Variants in CLASP1 observed in about 807,000 individuals in gnomAD.
CLASP1 encodes the protein cytoplasmic linker associated protein 1, also known as CLIP-associating protein 1.
CLASP1 carries 38 observed loss-of-function variants against 192.3 expected under a neutral mutation model. That is an observed-to-expected ratio of 0.20 (90% confidence interval 0.15 to 0.26). The LOEUF is 0.26. Ranked by LOEUF, CLASP1 falls within the 10% of genes least tolerant of loss-of-function variation. CLASP1 has a pLI of 1.00. For synonymous variants in CLASP1, 691 were observed against 712.8 expected (o/e 0.97, Z 0.49); for missense variants, 1,433 against 1,932.5 (o/e 0.74, Z 4.85).
In CLASP1 at chr2:121,365,083, CA is replaced by C. The variant is rs754517487; in HGVS notation, c.4077+10del. Reference sequence around the variant, plus strand: ...GGAAAGGGGCAAGATAAGGCCAAACCAGCATCTCACGTCTTTGTCTCCAAGG... The same window carrying C: ...GGAAAGGGGCAAGATAAGGCCAAACCGCATCTCACGTCTTTGTCTCCAAGG... On this transcript the variant is annotated intron_variant, in intron 36 of 39. Transcript: ENST00000263710. 48 of 1,613,838 alleles carry C rather than the reference CA, an allele frequency of 3.0e-5. 1 individual carries two copies. In the South Asian group the frequency reaches 5.1e-4, roughly 17 times the overall value.
At chr2:121,566,963 G>T (rs1279265775) in intron 2 of CLASP1, among the ~76,000 whole-genome samples, 2 of 152,162 alleles carry the variant, frequency 1.3e-5, no homozygotes, top group Non-Finnish European at 2.9e-5. Context: ...CGCCCTCTGA[G>T]GCTGGGCACC....
At position 121,582,440 on chromosome 2, in the gene CLASP1, G is replaced by A. The variant is rs556262496; in HGVS notation, c.195+23261C>T. ...AGGAAAAGAGAGAAAAAGAAGGGGG[G>A]AAGGAGGAAGAGAGAGAAAGAAAGA... On this transcript the variant is annotated intron_variant, in intron 2 of 39. Transcript: ENST00000263710. Among the ~76,000 whole-genome samples the A allele has an allele frequency of 1.0e-4, 15 of 150,626 alleles. No individual in the cohort carries two copies. In the East Asian group the frequency reaches 2.9e-3, roughly 30 times the overall value.
intron 2 of CLASP1, among the ~76,000 whole-genome samples, chr2:121,536,803 A>G (rs76548700): frequency 0.014 from 2,119 of 152,322 alleles, 52 homozygotes; most frequent in African/African-American, 0.048. Context: ...AATGAGAGTT[A>G]TTATTTAATG....
At chr2:121,530,906 A>T (rs915710819) in intron 2 of CLASP1, 2 of 697,638 alleles carry the variant, frequency 2.9e-6, no homozygotes, top group Non-Finnish European at 5.2e-6. Context: ...GGGTTGCGCT[A>T]CTGTCCAATG....
intron 7 of CLASP1, among the ~76,000 whole-genome samples, chr2:121,515,360 T>C (rs1392237913): frequency 6.6e-6 from 1 of 152,216 alleles, no homozygotes; most frequent in South Asian, 2.1e-4. Context: ...AGATACAGAA[T>C]CATAGATACA....
chr2:121,553,147 A>G (rs531324380), intron 2 of CLASP1, among the ~76,000 whole-genome samples: 1 of 152,312 alleles, frequency 6.6e-6, no homozygotes, highest in African/African-American at 2.4e-5. Flanking sequence ...TGATGAGAAC[A>G]CATGAACACA....
In CLASP1 at chr2:121,569,483, T is replaced by C. The variant is rs374381406; in HGVS notation, c.195+36218A>G. ...TAACCCTTTAAAGTAAATGTTTTAA[T>C]TTTATTTTAAGTGTAATGGGAAGAC... On this transcript the variant is annotated intron_variant, in intron 2 of 39. Transcript: ENST00000263710. Among the ~76,000 whole-genome samples, 3 of 152,232 alleles carry C rather than the reference T, an allele frequency of 2.0e-5. No individual in the cohort carries two copies. The South Asian group carries it at 6.2e-4, about 31-fold the overall frequency.
At chr2:121,437,871 G>A (rs1263536151) in intron 19 of CLASP1, among the ~76,000 whole-genome samples, 5 of 152,156 alleles carry the variant, frequency 3.3e-5, no homozygotes, top group Non-Finnish European at 7.3e-5. Context: ...CCATGCTTAG[G>A]TTTGAAGCTG....
At chr2:121,548,775 A>T (rs371923787) in intron 2 of CLASP1, among the ~76,000 whole-genome samples, 1 of 152,196 alleles carries the variant, frequency 6.6e-6, no homozygotes, top group Non-Finnish European at 1.5e-5. Flanking sequence ...CTTAAATAAA[A>T]AAAAAAAAAA....
chr2:121,342,586 T>C (rs1378402250), intron 39 of CLASP1, among the ~76,000 whole-genome samples: 1 of 151,890 alleles, frequency 6.6e-6, no homozygotes, highest in South Asian at 2.1e-4. Context: ...AAGAACTACA[T>C]CTAAAGCTAG....
intron 34 of CLASP1, among the ~76,000 whole-genome samples, chr2:121,368,679 C>G (rs1341544173): frequency 1.3e-5 from 2 of 152,168 alleles, no homozygotes; most frequent in East Asian, 3.9e-4. Context: ...TCCCAAACAT[C>G]TGACTACCCA....
intron 21 of CLASP1, 46 bp downstream of exon 21, chr2:121,427,358 C>A (rs746511195): frequency 5.6e-6 from 9 of 1,600,352 alleles, no homozygotes; most frequent in Non-Finnish European, 7.7e-6. Context: ...GGGGAGAATG[C>A]CAACAACAAC....
At chr2:121,367,870 G>C in intron 34 of CLASP1, 39 bp from the exon 36 acceptor site, 1 of 1,600,256 alleles carries the variant, frequency 6.2e-7, no homozygotes, top group Non-Finnish European at 8.5e-7. Context: ...TCTGGGACTT[G>C]TAATGGACAT....
intron 8 of CLASP1, among the ~76,000 whole-genome samples, chr2:121,494,647 A>G (rs2093452676): frequency 6.6e-6 from 1 of 152,176 alleles, no homozygotes; most frequent in Admixed American, 6.5e-5. Flanking sequence ...GTTGATGGAT[A>G]CCCTACTTAC....
intron 1 of CLASP1, 60 bp from the exon 2 acceptor site, chr2:121,606,240 T>A (rs1267641672): frequency 2.6e-6 from 1 of 390,066 alleles, no homozygotes; most frequent in African/African-American, 2.1e-5. Flanking sequence ...CCAAATGTTA[T>A]GAAACATTAA....
At chr2:121,484,971 G>A (rs1482337310) in intron 8 of CLASP1, among the ~76,000 whole-genome samples, 3 of 152,156 alleles carry the variant, frequency 2.0e-5, no homozygotes, top group African/African-American at 7.2e-5. Flanking sequence ...CAGTACAAAG[G>A]GGTATGACAT....
intron 2 of CLASP1, among the ~76,000 whole-genome samples, chr2:121,547,987 C>A (rs1380526573): frequency 1.3e-5 from 2 of 152,140 alleles, no homozygotes; most frequent in Admixed American, 6.5e-5. Context: ...AAGCAAAAAA[C>A]CAATGCAAGA....
chr2:121,407,956 A>G, intron 24 of CLASP1: 1 of 605,334 alleles, frequency 1.7e-6, no homozygotes, highest in Admixed American at 2.2e-5. Context: ...TAAAGTGCGT[A>G]GACTTTACAG....
chr2:121,441,853 T>G (rs533561205), intron 19 of CLASP1, among the ~76,000 whole-genome samples: 134 of 152,338 alleles, frequency 8.8e-4, no homozygotes, highest in African/African-American at 3.1e-3. Context: ...AAAAGGACAA[T>G]TACCTAAAAT....
Sources: allele counts gnomAD v4.1 joint callset (sites outside exome capture counted in the v4.1 genomes callset), GRCh38; gene constraint gnomAD v4.1.1; transcripts MANE v1.5; gene names NCBI Gene and HGNC (gene_info 2026-07-23, HGNC 2026-07-21).